PYGO1: variants seen among roughly 807,000 people sequenced by gnomAD.
PYGO1 encodes the protein pygopus homolog 1.
A neutral mutation model predicts 29.5 loss-of-function variants in PYGO1; 6 were observed. The observed-to-expected ratio is 0.20, with a 90% CI of 0.11 to 0.40. The LOEUF (loss-of-function observed/expected upper bound fraction) is 0.40. Among genes scored for constraint, PYGO1 ranks in the 10% least tolerant of loss-of-function variants. PYGO1 has a pLI of 1.00. For missense variants in PYGO1, 515 were observed against 514.9 expected (o/e 1.00, Z 0.00); for synonymous variants, 186 against 180.5 (o/e 1.03, Z -0.24).
intron 1 of PYGO1, among the ~76,000 whole-genome samples, chr15:55,562,086 A>G (rs1194248680): frequency 6.6e-6 from 1 of 152,226 alleles, no homozygotes; most frequent in Non-Finnish European, 1.5e-5. Flanking sequence ...CAAACATGAA[A>G]AAAAGCTCAA....
chr15:55,546,530 T>C lies in PYGO1; in HGVS notation c.753A>G (p.Gln251=). 6.2e-7 allele frequency: 1 copy of C among 1,614,138 alleles called. No individual in the cohort carries two copies. Among genetic ancestry groups the C allele is most frequent in the Non-Finnish European group, 8.5e-7 (1 of 1,180,020 alleles). The part of the protein sequence containing the change: ...FTQGATKNTN[Q]NSSAHPPHLN... Reference sequence around the variant, plus strand: ...AGTGAGGTGGATGAGCAGAGGAATTTTGATTAGTGTTTTTGGTTGCTCCTT... The same window carrying C: ...AGTGAGGTGGATGAGCAGAGGAATTCTGATTAGTGTTTTTGGTTGCTCCTT... The change falls in exon 3 of 3, where the codon CAA becomes CAG. Residue 251 remains glutamine (Q), a synonymous_variant. Transcript: ENST00000563719.
intron 1 of PYGO1, among the ~76,000 whole-genome samples, chr15:55,585,922 C>T (rs2059044441): frequency 6.6e-6 from 1 of 152,134 alleles, no homozygotes; most frequent in African/African-American, 2.4e-5. Flanking sequence ...CAACCACAAA[C>T]AGAAAAAGAC....
At chr15:55,581,453 CT>C in intron 1 of PYGO1, among the ~76,000 whole-genome samples, 1 of 152,126 alleles carries the variant, frequency 6.6e-6, no homozygotes, top group East Asian at 1.9e-4. Flanking sequence ...TTGATTTTTA[CT>C]CTAAAGGTAA....
At chr15:55,578,676 C>T (rs1038278777) in intron 1 of PYGO1, among the ~76,000 whole-genome samples, 3 of 152,192 alleles carry the variant, frequency 2.0e-5, no homozygotes, top group African/African-American at 7.2e-5. Flanking sequence ...TCTATTCAAT[C>T]CTTTGGCCAT....
chr15:55,555,275 G>A (rs2058899038), intron 1 of PYGO1, among the ~76,000 whole-genome samples: 1 of 151,870 alleles, frequency 6.6e-6, no homozygotes, highest in African/African-American at 2.4e-5. Flanking sequence ...TATAAGCAAA[G>A]GAGGAATAAG....
At position 55,543,191 on chromosome 15, in the gene PYGO1, T is replaced by G. The variant is rs1028061241; in HGVS notation, c.*2832A>C. 3.3e-5 allele frequency: 5 copies of G among 152,162 alleles called. No individual in the cohort carries two copies. The highest frequency in any genetic ancestry group is 9.7e-5 in the African/African-American group (4 of 41,434). The allele number at this position is 152,162 out of a possible 1,614,324, so 9.4% of individuals were successfully genotyped here. ...TTTCCATCACTGCATATTTTTAAAGTTGAAGGCAGCTTATCATTTATCCTA... is the reference window on the plus strand; with the variant it reads ...TTTCCATCACTGCATATTTTTAAAGGTGAAGGCAGCTTATCATTTATCCTA... On this transcript the variant is annotated 3_prime_UTR_variant, in exon 3 of 3. Coordinates refer to ENST00000563719, the MANE Select transcript of PYGO1 (RefSeq NM_001367806.1).
intron 1 of PYGO1, among the ~76,000 whole-genome samples, chr15:55,560,427 C>T (rs1005432744): frequency 2.0e-5 from 3 of 152,060 alleles, no homozygotes; most frequent in African/African-American, 7.2e-5. Context: ...AACTCCCATT[C>T]ACAATTGCTA....
chr15:55,568,288 C>A (rs972610770), intron 1 of PYGO1, among the ~76,000 whole-genome samples: 18 of 147,858 alleles, frequency 1.2e-4, no homozygotes, highest in African/African-American at 4.6e-4. Flanking sequence ...AGAGATGTTT[C>A]ACCTCAATGG....
rs1380096837 is a variant in PYGO1, at chr15:55,544,209, GTATT to G, written c.*1810_*1813del. The G allele has an allele frequency of 6.6e-6, 1 of 152,106 alleles. No individual in the cohort carries two copies. The highest frequency in any genetic ancestry group is 1.5e-5 in the Non-Finnish European group (1 of 68,010). 9.4% of individuals were successfully genotyped at this position (152,106 alleles called of 1,614,324 possible). A position where few individuals can be genotyped will look rare whatever the true frequency, so the allele number is the denominator to read the frequency against. On this transcript the variant is annotated 3_prime_UTR_variant, in exon 3 of 3. Coordinates refer to ENST00000563719, the MANE Select transcript of PYGO1 (RefSeq NM_001367806.1). ...TTTTGTAGGTCAAAATTAAAACAAT[GTATT>G]TAAAAAAATAAGTTTTATTCAATCA...
chr15:55,549,172 T>C (rs2058867719), intron 1 of PYGO1, among the ~76,000 whole-genome samples, 177 bp from the exon 2 acceptor site: 1 of 152,098 alleles, frequency 6.6e-6, no homozygotes, highest in Non-Finnish European at 1.5e-5. Context: ...GAGCCAGAAA[T>C]AGCCATTCAT....
chr15:55,571,651 T>C (rs2058980653), intron 1 of PYGO1, among the ~76,000 whole-genome samples: 1 of 152,218 alleles, frequency 6.6e-6, no homozygotes, highest in Non-Finnish European at 1.5e-5. Flanking sequence ...CCACCGTGAT[T>C]GTGGGGCCTC....
At chr15:55,564,571 G>A (rs62020057) in intron 1 of PYGO1, among the ~76,000 whole-genome samples, 8,163 of 152,204 alleles carry the variant, frequency 0.054, 276 homozygotes, top group Non-Finnish European at 0.068. Context: ...CTGCAGCCCA[G>A]GGGTTCTGGT....
At position 55,541,154 on chromosome 15, in the gene PYGO1, G is replaced by A. The variant is rs749908095; in HGVS notation, c.*4869C>T. 6 of 152,074 alleles carry A rather than the reference G, an allele frequency of 3.9e-5. No individual in the cohort carries two copies. Among genetic ancestry groups the A allele is most frequent in the South Asian group, 4.1e-4 (2 of 4,826 alleles). 9.4% of individuals were successfully genotyped at this position (152,074 alleles called of 1,614,324 possible). On this transcript the variant is annotated 3_prime_UTR_variant, in exon 3 of 3. Transcript: ENST00000563719. The stretch of plus-strand genomic sequence containing the variant: ...ATACAGGCAGCTCTGATGTATTAAC[G>A]CCTGGCATATACATGGCCACAGTCT...
rs1451941905 is a variant in PYGO1, at chr15:55,542,533, TG to T, written c.*3489del. Reference sequence around the variant, plus strand: ...ACAATTTATCTTTCACAAGCTGAGCTGTTTCAGTATTAGTGAATCGAGTAAC... The same window carrying T: ...ACAATTTATCTTTCACAAGCTGAGCTTTTCAGTATTAGTGAATCGAGTAAC... On this transcript the variant is annotated 3_prime_UTR_variant, in exon 3 of 3. Transcript: ENST00000563719. The T allele has an allele frequency of 6.6e-6, 1 of 152,210 alleles. No individual in the cohort carries two copies. Among genetic ancestry groups the T allele is most frequent in the Non-Finnish European group, 1.5e-5 (1 of 68,034 alleles). 9.4% of individuals were successfully genotyped at this position (152,210 alleles called of 1,614,324 possible).
chr15:55,567,729 G>C (rs2058963115), intron 1 of PYGO1, among the ~76,000 whole-genome samples: 1 of 152,072 alleles, frequency 6.6e-6, no homozygotes, highest in African/African-American at 2.4e-5. Flanking sequence ...GATTCTTATA[G>C]TTTGAGGCCT....
intron 1 of PYGO1, among the ~76,000 whole-genome samples, chr15:55,551,567 CG>C (rs977342581): frequency 6.6e-6 from 1 of 151,998 alleles, no homozygotes; most frequent in African/African-American, 2.4e-5. Flanking sequence ...GAGGCTGAGG[CG>C]GGGGATTGCT....
chr15:55,576,760 C>CGAAAAAAAAAAAAAAAAAAAA (rs2059004270), intron 1 of PYGO1, among the ~76,000 whole-genome samples: 7 of 53,544 alleles, frequency 1.3e-4, no homozygotes, highest in African/African-American at 4.4e-4. Flanking sequence ...GGCGACAGAT[C>CGAAAAAAAAAAAAAAAAAAAA]AAAAAAAAGA....
At chr15:55,567,196 C>CTTTTTTT (rs1567056546) in intron 1 of PYGO1, among the ~76,000 whole-genome samples, 2 of 31,970 alleles carry the variant, frequency 6.3e-5, no homozygotes, top group South Asian at 1.1e-3. Context: ...CTTTTGCCCA[C>CTTTTTTT]CTTTTTTTTT....
chr15:55,559,165 G>T (rs144374760), intron 1 of PYGO1, among the ~76,000 whole-genome samples: 1 of 152,170 alleles, frequency 6.6e-6, no homozygotes, highest in Non-Finnish European at 1.5e-5. Context: ...CGAAACGCGG[G>T]TGAAGGATAT....
Sources: gnomAD v4.1 joint callset for allele counts (sites outside exome capture counted in the v4.1 genomes callset) on GRCh38, gnomAD v4.1.1 for gene constraint, MANE v1.5 for transcripts, NCBI Gene and HGNC (gene_info 2026-07-23, HGNC 2026-07-21) for gene names.